SGSM2: variants seen among roughly 807,000 people sequenced by gnomAD.
SGSM2 encodes the protein RUN and TBC1 domain containing 1.
In SGSM2, 89 loss-of-function variants were observed where a neutral mutation model predicts 126.6. The observed-to-expected ratio is 0.70, with a 90% CI of 0.59 to 0.84. SGSM2 has a LOEUF of 0.84. SGSM2 is among the 40% of genes least tolerant of loss of function. The pLI is 0.00. For synonymous variants in SGSM2, 614 were observed against 574.3 expected (o/e 1.07, Z -0.99); for missense variants, 1,404 against 1,416.6 (o/e 0.99, Z 0.14).
rs2065920888 is a variant in SGSM2 at position 2,372,516 on chromosome 17, A to G, written c.1788+28A>G. 1.3e-6 allele frequency: 2 copies of G among 1,588,126 alleles called. No individual in the cohort carries two copies. Among genetic ancestry groups the G allele is most frequent in the Non-Finnish European group, 8.5e-7 (1 of 1,172,242 alleles). On this transcript the variant is annotated intron_variant, in intron 15 of 23. Coordinates refer to ENST00000268989, the MANE Select transcript of SGSM2 (RefSeq NM_014853.3). This position sits in a 1 kb window ranked among gnomAD's most constrained non-coding sequence, Gnocchi z 6.0. ...GCCAACCCTGGGGTTCCAGGGCCAC[A>G]GGTCGAGGGGCTGGGGCGGGCAGGA...
At chr17:2,377,595 A>C (rs1365729986) in intron 21 of SGSM2, 1 of 319,812 alleles carries the variant, frequency 3.1e-6, no homozygotes, top group Non-Finnish European at 5.8e-6. Context: ...GTTGCTGATG[A>C]CATCAGACAC....
At position 2,380,415 on chromosome 17, in the gene SGSM2, G is replaced by A. The variant is rs1392411908; in HGVS notation, c.*895G>A. Reference sequence around the variant, plus strand: ...TCCCCTCAGAGACAGGCCTCAGTTCGAGGGCAGCCCATTATCTGTCGCAGA... The same window carrying A: ...TCCCCTCAGAGACAGGCCTCAGTTCAAGGGCAGCCCATTATCTGTCGCAGA... On this transcript the variant is annotated 3_prime_UTR_variant, in exon 24 of 24. Coordinates refer to ENST00000268989, the MANE Select transcript of SGSM2 (RefSeq NM_014853.3). 5.8e-6 allele frequency: 6 copies of A among 1,029,362 alleles called. No homozygotes were observed. Among genetic ancestry groups the A allele is most frequent in the East Asian group, 2.6e-5 (1 of 38,598 alleles). 63.8% of individuals were successfully genotyped at this position (1,029,362 alleles called of 1,614,324 possible). A position where few individuals can be genotyped will look rare whatever the true frequency, so the allele number is the denominator to read the frequency against.
Position 2,361,682 on chromosome 17 carries a change from C to T in SGSM2, c.179C>T (p.Ala60Val). 1 of 1,614,042 alleles carries T rather than the reference C, an allele frequency of 6.2e-7. No individual in the cohort carries two copies. The highest frequency in any genetic ancestry group is 1.1e-5 in the South Asian group (1 of 91,088). Residue 60 changes from alanine to valine, a missense_variant, in exon 3 of 24, where the codon GCT becomes GTT. By Grantham distance (64) the Ala-to-Val change is moderately conservative. Transcript: ENST00000268989. ...TTGCATCAGCTGAGACGCCGTGCCG[C>T]TGGCTTCCTGCGCAGTGACAAGATG... ...CLLHQLRRRA[A>V]GFLRSDKMAA...
rs1380242131 is a variant in SGSM2, at chr17:2,379,864, A to G, written c.*344A>G. The G allele has an allele frequency of 2.3e-6, 3 of 1,299,184 alleles. No homozygotes were observed. Among genetic ancestry groups the G allele is most frequent in the Non-Finnish European group, 2.9e-6 (3 of 1,017,452 alleles). 80.5% of individuals were successfully genotyped at this position (1,299,184 alleles called of 1,614,324 possible). On this transcript the variant is annotated 3_prime_UTR_variant, in exon 24 of 24. Transcript: ENST00000268989. ...CCCACGAGTGAACCTGGGGCCCCAC[A>G]GGATTAACAGGGGCTATAGCGGCCT...
intron 2 of SGSM2, among the ~76,000 whole-genome samples, chr17:2,359,802 G>A (rs1366899635): frequency 6.6e-6 from 1 of 152,176 alleles, no homozygotes; most frequent in Non-Finnish European, 1.5e-5. Context: ...GATCCGTGCA[G>A]GACATGTGCC....
At position 2,367,116 on chromosome 17, in the gene SGSM2, T is replaced by C; in HGVS notation, c.1289-155T>C. The C allele has an allele frequency of 1.2e-6, 1 of 852,952 alleles. No individual in the cohort carries two copies. 52.8% of individuals were successfully genotyped at this position (852,952 alleles called of 1,614,324 possible). A position where few individuals can be genotyped will look rare whatever the true frequency, so the allele number is the denominator to read the frequency against. On this transcript the variant is annotated intron_variant, in intron 11 of 23. Coordinates refer to ENST00000268989, the MANE Select transcript of SGSM2 (RefSeq NM_014853.3). This position sits in a 1 kb window ranked among gnomAD's most constrained non-coding sequence, Gnocchi z 4.0. ...CTTCCACACTCTCCCAGGAAAATCA[T>C]CCAAAGAGCTTTCTGGTCCCCTCCC...
intron 12 of SGSM2, among the ~76,000 whole-genome samples, chr17:2,370,893 C>T (rs1192020921): frequency 6.6e-6 from 1 of 150,638 alleles, no homozygotes; most frequent in Non-Finnish European, 1.5e-5. Context: ...GCTGAGCTAG[C>T]TGGTGGCTTT....
chr17:2,357,718 G>A (rs2065139094), intron 2 of SGSM2, among the ~76,000 whole-genome samples: 1 of 152,084 alleles, frequency 6.6e-6, no homozygotes, highest in Admixed American at 6.6e-5. Context: ...GGCTGATCTC[G>A]AACTCCTGAC....
rs561154677 is a variant in SGSM2 at position 2,337,765 on chromosome 17, C to G, written c.57+20C>G. On this transcript the variant is annotated intron_variant, in intron 1 of 23. Coordinates refer to ENST00000268989, the MANE Select transcript of SGSM2 (RefSeq NM_014853.3). This position sits in a 1 kb window ranked among gnomAD's most constrained non-coding sequence, Gnocchi z 5.1. ...AAGGAGGTAAAGTCGAGTCAAGAAC[C>G]CCGGGGGGCTCGCGCCCTGGCCCGC... 5 of 1,512,004 alleles carry G rather than the reference C, an allele frequency of 3.3e-6. 1 individual carries two copies. In the South Asian group the frequency reaches 3.7e-5, roughly 11 times the overall value. 93.7% of individuals were successfully genotyped at this position (1,512,004 alleles called of 1,614,324 possible).
At chr17:2,371,182 G>A (rs1359227442) in intron 12 of SGSM2, 80 bp from the exon 13 acceptor site, 5 of 1,449,234 alleles carry the variant, frequency 3.5e-6, no homozygotes, top group Admixed American at 2.2e-5. Flanking sequence ...GCAGCTCTGG[G>A]CACAGAGGTG....
intron 1 of SGSM2, among the ~76,000 whole-genome samples, chr17:2,342,736 G>C (rs1043661222): frequency 7.8e-6 from 1 of 127,646 alleles, no homozygotes; most frequent in Non-Finnish European, 1.7e-5. Flanking sequence ...CCAGCACTTT[G>C]GGAGGCCGGG....
At chr17:2,346,675 G>T (rs1460558916) in intron 2 of SGSM2, among the ~76,000 whole-genome samples, 1 of 152,130 alleles carries the variant, frequency 6.6e-6, no homozygotes, top group African/African-American at 2.4e-5. Context: ...AAACCAGTCT[G>T]GCGGCAGCAG....
rs758312753 is a variant in SGSM2 at position 2,362,276 on chromosome 17, C to T, written c.458+6C>T. On this transcript the variant is annotated splice_donor_region_variant and intron_variant, in intron 4 of 23. Transcript: ENST00000268989. The surrounding 1 kb of genome is among the most constrained non-coding windows in gnomAD (Gnocchi z 4.9). Reference sequence around the variant, plus strand: ...TACCTGGCGGAAAACTGCAGGTGACCGCCCCGTTCCCCAAAAACTGCAGGT... The same window carrying T: ...TACCTGGCGGAAAACTGCAGGTGACTGCCCCGTTCCCCAAAAACTGCAGGT... 1.6e-5 allele frequency: 26 copies of T among 1,604,326 alleles called. No individual in the cohort carries two copies. The highest frequency in any genetic ancestry group is 2.2e-5 in the East Asian group (1 of 44,700).
intron 12 of SGSM2, among the ~76,000 whole-genome samples, chr17:2,368,402 C>T (rs1036056818): frequency 3.9e-5 from 6 of 152,184 alleles, no homozygotes; most frequent in Non-Finnish European, 8.8e-5. Flanking sequence ...GGAGCTTCCC[C>T]ATTCCCACCC....
intron 2 of SGSM2, among the ~76,000 whole-genome samples, chr17:2,350,745 G>C (rs573099483): frequency 2.4e-4 from 37 of 152,290 alleles, no homozygotes; most frequent in African/African-American, 8.4e-4. Flanking sequence ...AGGAAGGCAG[G>C]GACTGGGCAT....
intron 2 of SGSM2, among the ~76,000 whole-genome samples, chr17:2,345,595 CAAA>C (rs1228278801): frequency 8.3e-5 from 7 of 84,184 alleles, no homozygotes; most frequent in African/African-American, 9.4e-5. Flanking sequence ...GACTCTGTCT[CAAA>C]AAAAAAAAAA....
intron 2 of SGSM2, among the ~76,000 whole-genome samples, chr17:2,349,397 C>A (rs1429845621): frequency 6.6e-6 from 1 of 150,888 alleles, no homozygotes; most frequent in Non-Finnish European, 1.5e-5. Flanking sequence ...GACCTTACAA[C>A]CTTTCCTATA....
chr17:2,346,846 T>A (rs1305050457), intron 2 of SGSM2, among the ~76,000 whole-genome samples: 1 of 152,130 alleles, frequency 6.6e-6, no homozygotes, highest in Non-Finnish European at 1.5e-5. Flanking sequence ...CCCAGTGCTC[T>A]GGGAGGCTGA....
At chr17:2,361,511 T>C in intron 2 of SGSM2, 126 bp from the exon 3 acceptor site, 1 of 1,166,338 alleles carries the variant, frequency 8.6e-7, no homozygotes, top group Non-Finnish European at 1.2e-6. Context: ...GAAGCCAGGG[T>C]ATCTCCCTGG....
Sources: gnomAD v4.1 joint callset for allele counts (sites outside exome capture counted in the v4.1 genomes callset) on GRCh38, gnomAD v4.1.1 for gene constraint, Gnocchi (gnomAD v3.1) non-coding constraint, MANE v1.5 for transcripts, NCBI Gene and HGNC (gene_info 2026-07-23, HGNC 2026-07-21) for gene names.